The following NCOA2 variants were observed in gnomAD, a reference collection of about 807,000 sequenced individuals.
NCOA2 encodes the protein class E basic helix-loop-helix protein 75.
A neutral mutation model predicts 145.1 loss-of-function variants in NCOA2; 21 were observed. That is an observed-to-expected ratio of 0.14 (90% CI 0.10 to 0.21). The LOEUF is 0.21. Among genes scored for constraint, NCOA2 ranks in the 10% least tolerant of loss-of-function variants. The pLI, the probability that NCOA2 is intolerant of heterozygous loss-of-function variation, is 1.00. For missense variants in NCOA2, 1,472 were observed against 1,837.6 expected (o/e 0.80, Z 3.64); for synonymous variants, 619 against 637.5 (o/e 0.97, Z 0.44).
chr8:70,222,714 T>C (rs1249515287), intron 2 of NCOA2, among the ~76,000 whole-genome samples: 1 of 152,236 alleles, frequency 6.6e-6, no homozygotes, highest in Non-Finnish European at 1.5e-5. Context: ...AATAAATGGC[T>C]ACATTCATGT....
intron 2 of NCOA2, among the ~76,000 whole-genome samples, chr8:70,292,896 C>G (rs1353506272): frequency 6.6e-6 from 1 of 152,166 alleles, no homozygotes; most frequent in Non-Finnish European, 1.5e-5. Flanking sequence ...TCAACAACAC[C>G]CATCAGAAGA....
intron 19 of NCOA2, 117 bp from the exon 20 acceptor site, chr8:70,124,982 T>C (rs1808258423): frequency 5.0e-6 from 4 of 803,008 alleles, no homozygotes; most frequent in Non-Finnish European, 7.6e-6. Context: ...CTTTCAAATA[T>C]ATGATTGTGT....
intron 1 of NCOA2, among the ~76,000 whole-genome samples, chr8:70,310,556 A>AT (rs1805025943): frequency 6.6e-6 from 1 of 152,014 alleles, no homozygotes; most frequent in Non-Finnish European, 1.5e-5. Flanking sequence ...AATTCTTTTT[A>AT]TTTTTTCTTC....
chr8:70,275,906 T>C (rs556572889), intron 2 of NCOA2, among the ~76,000 whole-genome samples: 1 of 152,356 alleles, frequency 6.6e-6, no homozygotes, highest in East Asian at 1.9e-4. Flanking sequence ...GCTATGTAGC[T>C]GGTAGTATAG....
the NCOA2 span, among the ~76,000 whole-genome samples, chr8:70,450,618 T>A: frequency 7.4e-6 from 1 of 135,022 alleles, no homozygotes; most frequent in African/African-American, 2.8e-5. Context: ...TCAGTCTTGT[T>A]GCCCAGGCTG....
intron 22 of NCOA2, among the ~76,000 whole-genome samples, chr8:70,115,328 A>G (rs55881853): frequency 0.057 from 8,740 of 152,204 alleles, 843 homozygotes; most frequent in African/African-American, 0.2. Flanking sequence ...TTTGTAAGGC[A>G]GTATTCTCTG....
the NCOA2 span, among the ~76,000 whole-genome samples, chr8:70,454,983 T>C: frequency 6.6e-6 from 1 of 152,204 alleles, no homozygotes; most frequent in Non-Finnish European, 1.5e-5. Flanking sequence ...ATAGAAGTAC[T>C]ACATACATTC....
Position 70,216,241 on chromosome 8 carries a change from T to C in NCOA2, c.86+419A>G, listed in dbSNP as rs998753164. Reference sequence around the variant, plus strand: ...ATTTGCTTTAAAATTCTTTGTTTTATTCACTAAAGAGCCACAATCTTTGTT... The same window carrying C: ...ATTTGCTTTAAAATTCTTTGTTTTACTCACTAAAGAGCCACAATCTTTGTT... On this transcript the variant is annotated intron_variant, in intron 3 of 22. Coordinates refer to ENST00000452400, the MANE Select transcript of NCOA2 (RefSeq NM_006540.4). Among the ~76,000 whole-genome samples, 126 of 152,340 alleles carry C rather than the reference T, an allele frequency of 8.3e-4. 1 individual carries two copies. The highest frequency in any genetic ancestry group is 2.9e-3 in the African/African-American group (122 of 41,584).
Position 70,205,103 on chromosome 8 carries a change from A to G in NCOA2, c.259+8800T>C, listed in dbSNP as rs56728769. On this transcript the variant is annotated intron_variant, in intron 4 of 22. Transcript: ENST00000452400. ...TCAGTGGGTGAAGAGAAAGTGAAGTACCTAAAACACTAAACAAACACTAAA... is the reference window on the plus strand; with the variant it reads ...TCAGTGGGTGAAGAGAAAGTGAAGTGCCTAAAACACTAAACAAACACTAAA... Among the ~76,000 whole-genome samples, 397 of 152,340 alleles carry G rather than the reference A, an allele frequency of 2.6e-3. 2 individuals are homozygous for G. The highest frequency in any genetic ancestry group is 9.3e-3 in the African/African-American group (385 of 41,576).
intron 1 of NCOA2, among the ~76,000 whole-genome samples, chr8:70,343,339 AC>A (rs1323368923): frequency 1.3e-5 from 2 of 152,058 alleles, no homozygotes; most frequent in Non-Finnish European, 2.9e-5. Flanking sequence ...TAATATATGA[AC>A]CTTTCCACAC....
chr8:70,164,106 C>G (rs1231327178), intron 7 of NCOA2, among the ~76,000 whole-genome samples: 1 of 152,112 alleles, frequency 6.6e-6, no homozygotes, highest in Non-Finnish European at 1.5e-5. Context: ...TGGGTCTAGA[C>G]GCAGATTCAG....
At chr8:70,162,361 A>C (rs190253016) in intron 9 of NCOA2, among the ~76,000 whole-genome samples, 19 of 152,268 alleles carry the variant, frequency 1.2e-4, no homozygotes, top group Non-Finnish European at 2.1e-4. Flanking sequence ...TCACTCTCCA[A>C]AATTCCACTT....
chr8:70,297,954 A>T (rs1000967071), intron 1 of NCOA2, among the ~76,000 whole-genome samples: 1 of 152,212 alleles, frequency 6.6e-6, no homozygotes. Context: ...GACTCAAGAA[A>T]AGTGGCTTGA....
intron 1 of NCOA2, among the ~76,000 whole-genome samples, chr8:70,332,022 T>C (rs1292030408): frequency 6.6e-6 from 1 of 152,152 alleles, no homozygotes; most frequent in African/African-American, 2.4e-5. Flanking sequence ...TCAAAAACAA[T>C]ACTTATGAAA....
At chr8:70,360,665 C>A (rs561613569) in intron 1 of NCOA2, among the ~76,000 whole-genome samples, 1 of 152,084 alleles carries the variant, frequency 6.6e-6, no homozygotes, top group Non-Finnish European at 1.5e-5. Context: ...AGGCCGGGTG[C>A]GGTGGCTCAT....
chr8:70,331,821 C>T (rs887790968), intron 1 of NCOA2, among the ~76,000 whole-genome samples: 3 of 152,204 alleles, frequency 2.0e-5, no homozygotes, highest in Non-Finnish European at 4.4e-5. Flanking sequence ...TAAGATGTTA[C>T]AGTCCCAGCA....
At chr8:70,193,155 T>C (rs903480341) in intron 4 of NCOA2, among the ~76,000 whole-genome samples, 15 of 151,762 alleles carry the variant, frequency 9.9e-5, no homozygotes, top group Non-Finnish European at 8.8e-5. Flanking sequence ...TACAGTAAGT[T>C]CAGTAATGCT....
At chr8:70,431,170 G>C in the NCOA2 span, among the ~76,000 whole-genome samples, 1 of 151,818 alleles carries the variant, frequency 6.6e-6, no homozygotes, top group Non-Finnish European at 1.5e-5. Context: ...AATTTTGCTG[G>C]CTTGTGGAAT....
chr8:70,197,263 T>C (rs1038269255), intron 4 of NCOA2, among the ~76,000 whole-genome samples: 4 of 152,220 alleles, frequency 2.6e-5, no homozygotes, highest in African/African-American at 9.6e-5. Flanking sequence ...TTTATATCAC[T>C]ATATATCTAC....
Sources: allele counts gnomAD v4.1 joint callset (sites outside exome capture counted in the v4.1 genomes callset), GRCh38; gene constraint gnomAD v4.1.1; transcripts MANE v1.5; gene names NCBI Gene and HGNC (gene_info 2026-07-23, HGNC 2026-07-21).